G2E3: variants seen among roughly 807,000 people sequenced by gnomAD.
The protein encoded by G2E3 is G2/M phase-specific E3 ubiquitin-protein ligase.
G2E3 carries 35 observed loss-of-function variants against 92.8 expected under a neutral mutation model. The observed-to-expected ratio is 0.38, with a 90% CI of 0.29 to 0.50. The LOEUF (loss-of-function observed/expected upper bound fraction) is 0.50, where lower values mean the gene tolerates loss of function less well. Among genes scored for constraint, G2E3 ranks in the 20% least tolerant of loss-of-function variants. The pLI is 0.94. For missense variants in G2E3, 554 were observed against 823.8 expected (o/e 0.67, Z 4.01); for synonymous variants, 242 against 272.4 (o/e 0.89, Z 1.10).
At chr14:30,572,461 T>C (rs370978269) in intron 1 of G2E3, among the ~76,000 whole-genome samples, 1 of 152,172 alleles carries the variant, frequency 6.6e-6, no homozygotes, top group East Asian at 1.9e-4. Flanking sequence ...TCTGTTGACA[T>C]TGTGTCACAG....
At position 30,600,341 on chromosome 14, in the gene G2E3, G is replaced by A. The variant is rs151227732; in HGVS notation, c.753-1429G>A. On this transcript the variant is annotated intron_variant, in intron 8 of 14. Coordinates refer to ENST00000206595, the MANE Select transcript of G2E3 (RefSeq NM_017769.5). ...TTGTGCTTGTTACAATATAGTTGGC[G>A]TTATTTAAATTTAATGCTATTAAAC... Among the ~76,000 whole-genome samples the A allele has an allele frequency of 3.1e-3, 469 of 152,194 alleles. 3 individuals are homozygous for A. The highest frequency in any genetic ancestry group is 0.011 in the African/African-American group (438 of 41,524).
rs888728531 is a variant in G2E3, at chr14:30,619,898, G to A, written c.*3364G>A. 2 of 152,084 alleles carry A rather than the reference G, an allele frequency of 1.3e-5. No homozygotes were observed. Among genetic ancestry groups the A allele is most frequent in the Non-Finnish European group, 2.9e-5 (2 of 67,984 alleles). 9.4% of individuals were successfully genotyped at this position (152,084 alleles called of 1,614,324 possible). ...GATTTAATAAGATTAAGATTCTGAC[G>A]AAACTGAAAGATACAAGATTCCTTT... is the stretch of plus-strand genomic sequence containing the variant. On this transcript the variant is annotated 3_prime_UTR_variant, in exon 15 of 15. Transcript: ENST00000206595.
intron 2 of G2E3, among the ~76,000 whole-genome samples, chr14:30,586,166 G>A (rs1880703390): frequency 6.6e-6 from 1 of 152,086 alleles, no homozygotes; most frequent in Non-Finnish European, 1.5e-5. Flanking sequence ...CATCCCTCAG[G>A]GAGCCATCAT....
chr14:30,601,473 A>G (rs1200083315), intron 8 of G2E3, among the ~76,000 whole-genome samples: 3 of 152,178 alleles, frequency 2.0e-5, no homozygotes, highest in African/African-American at 7.2e-5. Context: ...GTAGAAAGGA[A>G]AATTTATTTT....
At chr14:30,607,489 A>G (rs973312408) in intron 11 of G2E3, among the ~76,000 whole-genome samples, 2 of 152,200 alleles carry the variant, frequency 1.3e-5, no homozygotes, top group East Asian at 3.8e-4. Flanking sequence ...ATCTAAATAT[A>G]CAAAAGGTAA....
Position 30,586,825 on chromosome 14 carries a change from AT to A in G2E3, c.135+13del. ...ACATTACTACTGTTTGGTGAGTATAATTTATAATTAAATTCTAGAAATTTGG... is the reference window on the plus strand; with the variant it reads ...ACATTACTACTGTTTGGTGAGTATAATTATAATTAAATTCTAGAAATTTGG... On this transcript the variant is annotated intron_variant, in intron 3 of 14. Transcript: ENST00000206595. The A allele has an allele frequency of 1.1e-6, 1 of 908,046 alleles. No individual in the cohort carries two copies. Among genetic ancestry groups the A allele is most frequent in the East Asian group, 2.8e-5 (1 of 35,990 alleles). 56.2% of individuals were successfully genotyped at this position (908,046 alleles called of 1,614,324 possible).
At chr14:30,613,948 C>T (rs1882202898) in intron 13 of G2E3, among the ~76,000 whole-genome samples, 1 of 151,982 alleles carries the variant, frequency 6.6e-6, no homozygotes, top group Non-Finnish European at 1.5e-5. Context: ...GCTTATAAGT[C>T]ATTGGAATAT....
intron 13 of G2E3, among the ~76,000 whole-genome samples, chr14:30,613,907 A>C (rs1882201415): frequency 6.6e-6 from 1 of 152,170 alleles, no homozygotes; most frequent in Non-Finnish European, 1.5e-5. Context: ...ATAGTCTCAG[A>C]ATAACAATAC....
chr14:30,616,373 G>T lies in G2E3; in HGVS notation c.1960G>T (p.Glu654Ter). ...TGGATTTAAACCCACTCCTTCAATT[G>T]AGTGTCTGCATGTGGATTTTCCTGT... is the stretch of plus-strand genomic sequence containing the variant. ...PAGFKPTPSI[E>*]CLHVDFPVGN... Residue 654 changes from glutamate to a stop codon, truncating the protein, a stop_gained, in exon 15 of 15, where the codon GAG becomes TAG. Coordinates refer to ENST00000206595, the MANE Select transcript of G2E3 (RefSeq NM_017769.5). LOFTEE classifies it high-confidence loss of function. 1.9e-6 allele frequency: 3 copies of T among 1,612,568 alleles called. No individual in the cohort carries two copies. The highest frequency in any genetic ancestry group is 2.5e-6 in the Non-Finnish European group (3 of 1,178,856).
chr14:30,598,444 A>G (rs542341966), intron 7 of G2E3, 39 bp from the exon 8 acceptor site: 71 of 1,238,164 alleles, frequency 5.7e-5, no homozygotes, highest in Middle Eastern at 3.8e-4. Flanking sequence ...ATGTAACATT[A>G]TTTATAGGTC....
At chr14:30,609,993 A>C (rs943989733) in intron 12 of G2E3, among the ~76,000 whole-genome samples, 3 of 152,168 alleles carry the variant, frequency 2.0e-5, no homozygotes, top group Admixed American at 1.3e-4. Context: ...TGATTCTTCC[A>C]AAAGTACAGT....
Position 30,607,880 on chromosome 14 carries a change from A to G in G2E3, c.1319-8A>G. 6.5e-7 allele frequency: 1 copy of G among 1,531,024 alleles called. No homozygotes were observed. The highest frequency in any genetic ancestry group is 9.0e-7 in the Non-Finnish European group (1 of 1,110,584). 94.8% of individuals were successfully genotyped at this position (1,531,024 alleles called of 1,614,324 possible). On this transcript the variant is annotated splice_polypyrimidine_tract_variant and splice_region_variant and intron_variant, in intron 11 of 14. Transcript: ENST00000206595. Reference sequence around the variant, plus strand: ...GTGTATTTGATATATTTTCATCTGTATTTACAGCTCTGAAAGAGAATCTTT... The same window carrying G: ...GTGTATTTGATATATTTTCATCTGTGTTTACAGCTCTGAAAGAGAATCTTT...
intron 14 of G2E3, 53 bp from the exon 15 acceptor site, chr14:30,616,225 T>C (rs1882307410): frequency 3.4e-6 from 4 of 1,166,426 alleles, no homozygotes; most frequent in East Asian, 4.7e-5. Context: ...TAGCAATATA[T>C]AACATGGATT....
At chr14:30,574,307 T>A (rs1244208811) in intron 1 of G2E3, among the ~76,000 whole-genome samples, 1 of 152,218 alleles carries the variant, frequency 6.6e-6, no homozygotes, top group Admixed American at 6.5e-5. Context: ...AAATATTGTT[T>A]TGGTCAATTG....
chr14:30,593,576 A>T lies in G2E3; in HGVS notation c.465A>T (p.Pro155=). ...GCTTGGAATTTATTGAGCCTATTCC[A>T]AGTTATAACATATTACGAAGTCCTT... ...TICLEFIEPI[P]SYNILRSPCC... is the part of the protein sequence containing the mutation. The change falls in exon 6 of 15, where the codon CCA becomes CCT. Residue 155 remains proline (P), a synonymous_variant. Transcript: ENST00000206595. 1 of 1,603,114 alleles carries T rather than the reference A, an allele frequency of 6.2e-7. No homozygotes were observed. The highest frequency in any genetic ancestry group is 2.2e-5 in the East Asian group (1 of 44,736).
intron 1 of G2E3, among the ~76,000 whole-genome samples, chr14:30,564,568 A>C (rs1261182874): frequency 6.6e-6 from 1 of 152,102 alleles, no homozygotes; most frequent in African/African-American, 2.4e-5. Context: ...ACCTAGCCTC[A>C]AGCGATCCTT....
intron 12 of G2E3, 154 bp from the exon 13 acceptor site, chr14:30,612,053 C>G: frequency 1.7e-6 from 1 of 573,526 alleles, no homozygotes. Flanking sequence ...ACTGGATGAT[C>G]AGACATTTAT....
At chr14:30,610,067 G>A (rs1213089722) in intron 12 of G2E3, among the ~76,000 whole-genome samples, 2 of 152,156 alleles carry the variant, frequency 1.3e-5, no homozygotes, top group Non-Finnish European at 2.9e-5. Context: ...GTTGAACGAA[G>A]TTGAAGCTCT....
At chr14:30,615,861 G>T (rs1035470773) in intron 14 of G2E3, among the ~76,000 whole-genome samples, 1 of 152,098 alleles carries the variant, frequency 6.6e-6, no homozygotes, top group African/African-American at 2.4e-5. Context: ...TCAATTTGAA[G>T]TTAAACTAAA....
Sources: allele counts gnomAD v4.1 joint callset (sites outside exome capture counted in the v4.1 genomes callset), GRCh38; gene constraint gnomAD v4.1.1; transcripts MANE v1.5; gene names NCBI Gene and HGNC (gene_info 2026-07-23, HGNC 2026-07-21).